RNF19B: variants seen among roughly 807,000 people sequenced by gnomAD.
RNF19B encodes the protein ring finger protein 19B.
In RNF19B, 23 loss-of-function variants were observed where a neutral mutation model predicts 65.5. That is an observed-to-expected ratio of 0.35 (90% CI 0.25 to 0.50). The LOEUF (loss-of-function observed/expected upper bound fraction) is 0.50, where lower values mean the gene tolerates loss of function less well. RNF19B is among the 20% of genes least tolerant of loss of function. The probability of loss-of-function intolerance (pLI) is 0.98; values close to 1 mark genes in which losing one functional copy is unlikely to be tolerated. For missense variants in RNF19B, 794 were observed against 980.0 expected, an observed-to-expected ratio of 0.81 and a Z score of 2.53; for synonymous variants, 372 against 379.6, an observed-to-expected ratio of 0.98 and a Z score of 0.23.
Position 32,942,957 on chromosome 1 carries a change from G to A in RNF19B, c.1403-498C>T, listed in dbSNP as rs567065551. 1.2e-3 allele frequency among the ~76,000 whole-genome samples: 183 copies of A among 151,854 alleles called. 1 individual carries two copies. The highest frequency in any genetic ancestry group is 7.3e-3 in the South Asian group (35 of 4,794). The stretch of plus-strand genomic sequence containing the variant: ...AGATGGAGACCATCCTGGCTAACAC[G>A]GTGAAACCCCATCTCTACTAAAAAT... On this transcript the variant is annotated intron_variant, in intron 6 of 8. Transcript: ENST00000235150.
chr1:32,941,459 G>C (rs1446977160), intron 7 of RNF19B, among the ~76,000 whole-genome samples: 1 of 152,118 alleles, frequency 6.6e-6, no homozygotes. Context: ...ACAATCACTA[G>C]AACCCAGGAG....
At chr1:32,945,713 T>G in intron 4 of RNF19B, 85 bp from the exon 5 acceptor site, 5 of 729,032 alleles carry the variant, frequency 6.9e-6, no homozygotes, top group Non-Finnish European at 1.2e-5. Flanking sequence ...GAATATTCAC[T>G]TGTAAGTTAT....
chr1:32,942,075 CCA>C (rs1355854603), intron 7 of RNF19B, among the ~76,000 whole-genome samples, 175 bp downstream of exon 7: 1 of 152,140 alleles, frequency 6.6e-6, no homozygotes, highest in African/African-American at 2.4e-5. Context: ...CCAGCCTGAG[CCA>C]CAGAGTGAGA....
chr1:32,944,230 T>G (rs755199694), intron 5 of RNF19B, 71 bp from the exon 6 acceptor site: 2 of 1,522,078 alleles, frequency 1.3e-6, no homozygotes, highest in Non-Finnish European at 1.8e-6. Context: ...CTTCCCAGTC[T>G]GGGCATGGAC....
At chr1:32,953,350 AC>A (rs771489195) in intron 1 of RNF19B, among the ~76,000 whole-genome samples, 1 of 151,714 alleles carries the variant, frequency 6.6e-6, no homozygotes, top group Non-Finnish European at 1.5e-5. Context: ...CTATTCCAAT[AC>A]TCTCCCGCAA....
intron 1 of RNF19B, among the ~76,000 whole-genome samples, chr1:32,958,942 G>C (rs1013639000): frequency 6.6e-6 from 1 of 152,096 alleles, no homozygotes; most frequent in Non-Finnish European, 1.5e-5. Flanking sequence ...ACAAGAGGAG[G>C]GGGTGGTGTG....
intron 3 of RNF19B, among the ~76,000 whole-genome samples, chr1:32,946,824 T>C (rs1238379425): frequency 6.6e-6 from 1 of 152,192 alleles, no homozygotes; most frequent in Admixed American, 6.5e-5. Context: ...CTGAATTCTG[T>C]CTTCCCTAAC....
chr1:32,940,054 C>A (rs1238977718), intron 7 of RNF19B, among the ~76,000 whole-genome samples: 1 of 152,222 alleles, frequency 6.6e-6, no homozygotes, highest in South Asian at 2.1e-4. Context: ...CTTTGCTTTG[C>A]TGCTCCAGCT....
chr1:32,961,381 AGGAATATTGGCATTGGTT>A (rs2124191902), intron 1 of RNF19B, among the ~76,000 whole-genome samples: 1 of 152,334 alleles, frequency 6.6e-6, no homozygotes, highest in East Asian at 1.9e-4. Context: ...GCTGAATGGA[AGGAATATTGGCATTGGTT>A]GGAATTAAGA....
chr1:32,948,996 T>C (rs1642428997), intron 2 of RNF19B, among the ~76,000 whole-genome samples: 1 of 152,252 alleles, frequency 6.6e-6, no homozygotes, highest in South Asian at 2.1e-4. Context: ...TCTTTCCTAC[T>C]AGCCTCTCCC....
intron 1 of RNF19B, among the ~76,000 whole-genome samples, chr1:32,955,723 T>C (rs976682457): frequency 3.6e-4 from 53 of 147,410 alleles, no homozygotes; most frequent in South Asian, 1.9e-3. Flanking sequence ...CACTCCAGCC[T>C]GGGAGACAGA....
At chr1:32,951,462 G>A (rs1038556332) in intron 1 of RNF19B, among the ~76,000 whole-genome samples, 1 of 152,256 alleles carries the variant, frequency 6.6e-6, no homozygotes, top group Non-Finnish European at 1.5e-5. Flanking sequence ...CAGTGGCACA[G>A]GAGCAGTTGG....
chr1:32,935,458 A>G (rs968299021), downstream of RNF19B, among the ~76,000 whole-genome samples: 2 of 152,152 alleles, frequency 1.3e-5, no homozygotes, highest in African/African-American at 4.8e-5. Context: ...TTTTACACAG[A>G]GGCAAAACTC....
intron 6 of RNF19B, 129 bp from the exon 7 acceptor site, chr1:32,942,588 A>G (rs1230455320): frequency 1.5e-6 from 1 of 664,932 alleles, no homozygotes; most frequent in African/African-American, 1.8e-5. Flanking sequence ...TGCAGTCGCC[A>G]CATATCAGGT....
chr1:32,937,355 AAGAT>A, intron 8 of RNF19B, 96 bp from the exon 9 acceptor site: 2 of 1,580,362 alleles, frequency 1.3e-6, no homozygotes, highest in Non-Finnish European at 1.7e-6. Context: ...GAATTTCAAA[AAGAT>A]AGGTGAACAG....
chr1:32,943,483 G>A (rs1393871940), intron 6 of RNF19B, among the ~76,000 whole-genome samples: 1 of 152,030 alleles, frequency 6.6e-6, no homozygotes, highest in Non-Finnish European at 1.5e-5. Flanking sequence ...AGGCGTGGTG[G>A]CACGTTGCTG....
chr1:32,930,356 C>T, the RNF19B span, among the ~76,000 whole-genome samples: 9 of 150,412 alleles, frequency 6.0e-5, no homozygotes, highest in South Asian at 4.2e-4. Flanking sequence ...GTGATCCATC[C>T]GCCTCGGCCT....
intron 6 of RNF19B, among the ~76,000 whole-genome samples, chr1:32,943,580 T>A (rs983719780): frequency 6.6e-6 from 1 of 151,410 alleles, no homozygotes; most frequent in African/African-American, 2.4e-5. Flanking sequence ...CGCGACATCG[T>A]ACTCCAGCCT....
At chr1:32,945,201 G>A (rs1642336859) in intron 5 of RNF19B, among the ~76,000 whole-genome samples, 1 of 152,162 alleles carries the variant, frequency 6.6e-6, no homozygotes, top group Admixed American at 6.5e-5. Context: ...ATTTTGTTTT[G>A]TGGATTTCAT....
Sources: gnomAD v4.1 joint callset for allele counts (sites outside exome capture counted in the v4.1 genomes callset) on GRCh38, gnomAD v4.1.1 for gene constraint, MANE v1.5 for transcripts, NCBI Gene and HGNC (gene_info 2026-07-23, HGNC 2026-07-21) for gene names.